The following TRPM6 variants were observed in gnomAD, a reference collection of about 807,000 sequenced individuals.
TRPM6 encodes the protein channel kinase 2.
Under a neutral mutation model 247.6 loss-of-function variants are expected in TRPM6, and 111 were observed. That is an observed-to-expected ratio of 0.45 (90% CI 0.38 to 0.52). The LOEUF is 0.52. TRPM6 is among the 20% of genes least tolerant of loss of function. The pLI, the probability that TRPM6 is intolerant of heterozygous loss-of-function variation, is 0.00. For synonymous variants in TRPM6, 892 were observed against 853.8 expected (o/e 1.04, Z -0.78); for missense variants, 2,126 against 2,421.5 (o/e 0.88, Z 2.56).
intron 36 of TRPM6, 105 bp downstream of exon 36, chr9:74,738,302 C>CA: frequency 8.3e-7 from 1 of 1,198,792 alleles, no homozygotes. Context: ...CACCTCCCTT[C>CA]AAAGCTAAAT....
At chr9:74,796,292 T>C (rs905851089) in intron 18 of TRPM6, among the ~76,000 whole-genome samples, 4 of 152,246 alleles carry the variant, frequency 2.6e-5, no homozygotes, top group African/African-American at 9.6e-5. Context: ...ATATTGTGGA[T>C]ATTCTGATTG....
chr9:74,739,949 C>T lies in TRPM6; in HGVS notation c.5261G>A (p.Ser1754Asn). ...EESSPLNLDK[S>N]MSSWSQRGRA... ...CCCACGCTGAGACCAAGAGGACATG[C>T]TTTTATCAAGGTTTAAAGGGGAACT... Residue 1754 changes from serine (S) to asparagine (N), a missense_variant, in exon 34 of 39, where the codon AGC becomes AAC. By Grantham distance (46) the Ser-to-Asn change is conservative (BLOSUM62 1). This residue lies in a region of TRPM6 where 327 missense variants were observed against 397.7 expected (regional missense o/e 0.82). Coordinates refer to ENST00000360774, the MANE Select transcript of TRPM6 (RefSeq NM_017662.5). The T allele has an allele frequency of 6.2e-7, 1 of 1,614,108 alleles. No individual in the cohort carries two copies. Among genetic ancestry groups the T allele is most frequent in the Non-Finnish European group, 8.5e-7 (1 of 1,180,016 alleles).
Position 74,845,817 on chromosome 9 carries a change from ACT to A in TRPM6, c.153-3476_153-3475del, listed in dbSNP as rs1454805695. ...ACTCCAGCCTGGGCAACAAAGCAAA[ACT>A]CTGTCTCAAAACAAAACGAAAAGTA... On this transcript the variant is annotated intron_variant, in intron 3 of 38. Transcript: ENST00000360774. 1.3e-5 allele frequency among the ~76,000 whole-genome samples: 2 copies of A among 152,070 alleles called. 1 individual carries two copies. The highest frequency in any genetic ancestry group is 2.9e-5 in the Non-Finnish European group (2 of 68,008).
intron 32 of TRPM6, among the ~76,000 whole-genome samples, chr9:74,743,060 G>A (rs1232337565): frequency 3.9e-5 from 6 of 152,202 alleles, no homozygotes; most frequent in African/African-American, 7.2e-5. Context: ...GCCGAAGACC[G>A]ATTTTAATTA....
Position 74,855,512 on chromosome 9 carries a change from T to C in TRPM6, c.152+15A>G. The C allele has an allele frequency of 6.3e-7, 1 of 1,592,964 alleles. No homozygotes were observed. The highest frequency in any genetic ancestry group is 8.6e-7 in the Non-Finnish European group (1 of 1,160,954). On this transcript the variant is annotated intron_variant, in intron 3 of 38. Coordinates refer to ENST00000360774, the MANE Select transcript of TRPM6 (RefSeq NM_017662.5). ...GCCTAAAAGCTAAAAGGAATCTTGC[T>C]TATCTAAGTCTTACCTGATTAAATT...
intron 17 of TRPM6, 163 bp downstream of exon 17, chr9:74,800,091 G>C (rs1192470106): frequency 2.9e-6 from 2 of 683,976 alleles, no homozygotes; most frequent in Middle Eastern, 4.0e-4. Context: ...TTCTGTCAAG[G>C]GTATACGAGT....
intron 25 of TRPM6, among the ~76,000 whole-genome samples, chr9:74,767,706 C>A (rs1328113864): frequency 6.6e-6 from 1 of 152,204 alleles, no homozygotes; most frequent in South Asian, 2.1e-4. Flanking sequence ...CGGTAACTCA[C>A]GCCTGTAATC....
At position 74,726,217 on chromosome 9, in the gene TRPM6, T is replaced by C. The variant is rs11144076; in HGVS notation, c.5936-1471A>G. ...ATTAGGACTAGATGTGGTGGAATTA[T>C]TGAATTACTCAAAACCTACCAGTGT... On this transcript the variant is annotated intron_variant, in intron 38 of 38. Coordinates refer to ENST00000360774, the MANE Select transcript of TRPM6 (RefSeq NM_017662.5). Among the ~76,000 whole-genome samples, 202 of 152,320 alleles carry C rather than the reference T, an allele frequency of 1.3e-3. 7 individuals are homozygous for C. The East Asian group carries it at 0.036, about 27-fold the overall frequency.
chr9:74,842,484 T>C, intron 3 of TRPM6, 141 bp from the exon 4 acceptor site: 2 of 857,406 alleles, frequency 2.3e-6, no homozygotes, highest in Admixed American at 2.2e-5. Flanking sequence ...ATTTCTAACA[T>C]AGGACTGTCT....
At chr9:74,728,417 A>T (rs1420575393) in intron 37 of TRPM6, 72 bp from the exon 38 acceptor site, 1 of 1,073,544 alleles carries the variant, frequency 9.3e-7, no homozygotes, top group Non-Finnish European at 1.4e-6. Flanking sequence ...TCTCCGAGAT[A>T]CCGAACAGTA....
chr9:74,803,646 G>C (rs765238388), intron 15 of TRPM6, 148 bp downstream of exon 15: 17 of 733,654 alleles, frequency 2.3e-5, no homozygotes, highest in African/African-American at 5.1e-5. Context: ...CTGGACAGCT[G>C]TGTTATGCTT....
chr9:74,815,627 T>C (rs1828898649), intron 11 of TRPM6, among the ~76,000 whole-genome samples: 3 of 152,202 alleles, frequency 2.0e-5, no homozygotes, highest in Admixed American at 2.0e-4. Flanking sequence ...TGGTCCACAT[T>C]GCAGCCGTGA....
chr9:74,793,737 C>A (rs1399043483), intron 18 of TRPM6, among the ~76,000 whole-genome samples: 1 of 152,174 alleles, frequency 6.6e-6, no homozygotes, highest in Non-Finnish European at 1.5e-5. Flanking sequence ...GGTCTGTTTG[C>A]CTGCAGTTCA....
At chr9:74,752,817 A>G (rs969910120) in intron 28 of TRPM6, among the ~76,000 whole-genome samples, 1 of 152,138 alleles carries the variant, frequency 6.6e-6, no homozygotes. Context: ...AAAGAACAAT[A>G]AAAGAATAAT....
In TRPM6 at chr9:74,761,718, T is replaced by G. The variant is rs764269569; in HGVS notation, c.4763A>C (p.Asn1588Thr). The stretch of plus-strand genomic sequence containing the variant: ...TACTGGCACCTGGAGTCCTTGAGTA[T>G]TCTTCTTTTTCTTTGACAGTCTCCT... ...KDRRLSKKKK[N>T]TQGLQVPIIT... Residue 1588 changes from asparagine (N) to threonine (T), a missense_variant, in exon 27 of 39, where the codon AAT (asparagine) becomes ACT (threonine). Transcript: ENST00000360774. 2 of 1,612,426 alleles carry G rather than the reference T, an allele frequency of 1.2e-6. No individual in the cohort carries two copies. Among genetic ancestry groups the G allele is most frequent in the Admixed American group, 1.7e-5 (1 of 60,008 alleles).
At chr9:74,841,910 A>C (rs1244138852) in intron 4 of TRPM6, among the ~76,000 whole-genome samples, 1 of 152,212 alleles carries the variant, frequency 6.6e-6, no homozygotes, top group Non-Finnish European at 1.5e-5. Flanking sequence ...CAAATACTTC[A>C]AACAGGCAGA....
chr9:74,768,780 C>T (rs747073192), intron 25 of TRPM6, among the ~76,000 whole-genome samples: 6 of 152,202 alleles, frequency 3.9e-5, no homozygotes, highest in Non-Finnish European at 8.8e-5. Flanking sequence ...GGTTCTTATT[C>T]TGACCCCCTC....
chr9:74,799,049 T>G (rs965330321), intron 17 of TRPM6, among the ~76,000 whole-genome samples: 2 of 152,342 alleles, frequency 1.3e-5, no homozygotes, highest in East Asian at 1.9e-4. Context: ...CCCATTCACA[T>G]CTCTGATTCC....
chr9:74,778,053 G>T (rs577772366), intron 23 of TRPM6, among the ~76,000 whole-genome samples: 2 of 152,328 alleles, frequency 1.3e-5, no homozygotes, highest in Admixed American at 1.3e-4. Flanking sequence ...GGGCTTGGCC[G>T]CCTGGGCTGG....
Sources: allele counts gnomAD v4.1 joint callset (sites outside exome capture counted in the v4.1 genomes callset), GRCh38; gene constraint gnomAD v4.1.1; regional missense constraint gnomAD v4.1.1; transcripts MANE v1.5; gene names NCBI Gene and HGNC (gene_info 2026-07-23, HGNC 2026-07-21).